TACC2: variants seen among roughly 807,000 people sequenced by gnomAD.
TACC2 encodes transforming acidic coiled-coil-containing protein 2.
TACC2 carries 137 observed loss-of-function variants against 227.3 expected under a neutral mutation model. That is an observed-to-expected ratio of 0.60 (90% CI 0.52 to 0.69). The LOEUF (loss-of-function observed/expected upper bound fraction) is 0.69, where lower values mean the gene tolerates loss of function less well. Ranked by LOEUF, TACC2 falls within the 30% of genes least tolerant of loss-of-function variation. The pLI, the probability that TACC2 is intolerant of heterozygous loss-of-function variation, is 0.00. For missense variants in TACC2, 3,470 were observed against 3,694.4 expected (o/e 0.94, Z 1.57); for synonymous variants, 1,523 against 1,487.5 (o/e 1.02, Z -0.55).
At chr10:122,091,608 C>A (rs540884166) in intron 5 of TACC2, among the ~76,000 whole-genome samples, 6 of 152,236 alleles carry the variant, frequency 3.9e-5, no homozygotes, top group Admixed American at 6.5e-5. Flanking sequence ...ACTCTCTCAT[C>A]CAGCCTGGCA....
intron 1 of TACC2, among the ~76,000 whole-genome samples, chr10:122,016,894 T>C (rs11200330): frequency 0.46 from 69,257 of 151,888 alleles, 15,937 homozygotes; most frequent in South Asian, 0.6. Context: ...CCTATGGGGG[T>C]GCCTAATCCA....
chr10:122,000,948 G>A (rs892826522), intron 1 of TACC2, among the ~76,000 whole-genome samples: 6 of 152,068 alleles, frequency 3.9e-5, no homozygotes, highest in Middle Eastern at 3.2e-3. Flanking sequence ...TCAGCCTCCC[G>A]AGTAGCTGGG....
chr10:122,075,905 T>C (rs900317949), intron 3 of TACC2, among the ~76,000 whole-genome samples: 17 of 152,194 alleles, frequency 1.1e-4, no homozygotes, highest in African/African-American at 3.9e-4. Flanking sequence ...ATTCAAGCAA[T>C]CCTCCTGCTT....
rs1565268191 is a variant in TACC2, at chr10:122,087,222, T to G, written c.4722T>G (p.Ala1574=). 2 of 1,613,268 alleles carry G rather than the reference T, an allele frequency of 1.2e-6. No individual in the cohort carries two copies. Among genetic ancestry groups the G allele is most frequent in the Non-Finnish European group, 1.7e-6 (2 of 1,179,818 alleles). ...CTCAGGAGCTCCCTGTGGAGAGAGC[T>G]GCTGCCTTCCAGGTGGCTCCCCATA... is the stretch of plus-strand genomic sequence containing the variant. The part of the protein sequence containing the change: ...AATQELPVER[A]AAFQVAPHSH... Residue 1574 remains alanine, a synonymous_variant, in exon 4 of 23, where the codon GCT becomes GCG. Transcript: ENST00000369005.
intron 2 of TACC2, among the ~76,000 whole-genome samples, chr10:122,049,281 T>C (rs1220505845): frequency 6.6e-6 from 1 of 152,110 alleles, no homozygotes; most frequent in Non-Finnish European, 1.5e-5. Flanking sequence ...TCTCGGCTTT[T>C]CTCTGCCTGC....
Position 122,153,989 on chromosome 10 carries a change from G to A in TACC2, c.5834+10283G>A, listed in dbSNP as rs564755982. Among the ~76,000 whole-genome samples the A allele has an allele frequency of 5.1e-4, 77 of 152,338 alleles. 1 individual carries two copies. Among genetic ancestry groups the A allele is most frequent in the African/African-American group, 1.7e-3 (70 of 41,578 alleles). Reference sequence around the variant, plus strand: ...ATCTGCCACTAGGGAGATTGTTGAGGTCAGGGAGACTGGGGACCGGCTCTG... The same window carrying A: ...ATCTGCCACTAGGGAGATTGTTGAGATCAGGGAGACTGGGGACCGGCTCTG... On this transcript the variant is annotated intron_variant, in intron 7 of 22. Transcript: ENST00000369005.
intron 19 of TACC2, among the ~76,000 whole-genome samples, chr10:122,246,027 C>T (rs956358657): frequency 2.0e-5 from 3 of 152,092 alleles, no homozygotes; most frequent in Admixed American, 1.3e-4. Context: ...TGGTGGTGAG[C>T]GCTCTAGGAG....
chr10:122,213,797 G>A (rs1195556423), intron 9 of TACC2, among the ~76,000 whole-genome samples: 5 of 152,146 alleles, frequency 3.3e-5, no homozygotes, highest in Admixed American at 6.5e-5. Flanking sequence ...AGGCAGCGAC[G>A]GCCACAGCTT....
Position 122,087,501 on chromosome 10 carries a change from C to T in TACC2, c.5001C>T (p.Gly1667=), listed in dbSNP as rs376774303. 3.1e-6 allele frequency: 5 copies of T among 1,613,992 alleles called. No individual in the cohort carries two copies. Among genetic ancestry groups the T allele is most frequent in the Non-Finnish European group, 4.2e-6 (5 of 1,180,044 alleles). The change falls in exon 4 of 23, where the codon GGC becomes GGT. Residue 1667 remains glycine (G), a synonymous_variant. Coordinates refer to ENST00000369005, the MANE Select transcript of TACC2 (RefSeq NM_206862.4). ...GGERRPGVTA[G]ILEMRNALGN... is the part of the protein sequence containing the mutation. ...AAAGGAGACCCGGAGTCACTGCTGG[C>T]ATCTTGGAAATGCGAAATGCCCTGG...
intron 3 of TACC2, among the ~76,000 whole-genome samples, chr10:122,070,172 G>A (rs112407432): frequency 2.6e-5 from 4 of 152,276 alleles, no homozygotes; most frequent in African/African-American, 9.6e-5. Context: ...AGGTAACACC[G>A]GTAACATCTT....
At chr10:122,125,731 T>C (rs893067555) in intron 5 of TACC2, among the ~76,000 whole-genome samples, 2 of 151,464 alleles carry the variant, frequency 1.3e-5, no homozygotes, top group Non-Finnish European at 2.9e-5. Context: ...TTGTAATCAG[T>C]CAGCATTTGG....
intron 2 of TACC2, among the ~76,000 whole-genome samples, chr10:122,041,605 C>T (rs1233006516): frequency 1.3e-5 from 2 of 152,170 alleles, no homozygotes; most frequent in African/African-American, 4.8e-5. Context: ...CACCGCCATG[C>T]CTGGCTACTT....
chr10:122,086,963 C>A lies in TACC2; in HGVS notation c.4463C>A (p.Ala1488Asp), dbSNP rs138712565. The change falls in exon 4 of 23, where the codon GCT (alanine) becomes GAT (aspartate). Residue 1488 changes from alanine to aspartate, a missense_variant. Coordinates refer to ENST00000369005, the MANE Select transcript of TACC2 (RefSeq NM_206862.4). The part of the protein sequence containing the change: ...LAGEAEISHL[A>D]LQDPASDKLL... ...GGAGAGGCTGAGATTTCCCATCTGGCTCTGCAAGATCCAGCTTCAGACAAG... is the reference window on the plus strand; with the variant it reads ...GGAGAGGCTGAGATTTCCCATCTGGATCTGCAAGATCCAGCTTCAGACAAG... 12 of 1,613,984 alleles carry A rather than the reference C, an allele frequency of 7.4e-6. No homozygotes were observed. The highest frequency in any genetic ancestry group is 9.3e-6 in the Non-Finnish European group (11 of 1,180,046).
intron 9 of TACC2, among the ~76,000 whole-genome samples, chr10:122,214,518 C>T (rs1205004961): frequency 1.1e-4 from 17 of 152,006 alleles, no homozygotes. Context: ...GGGAGTGGGA[C>T]CAACCCATGG....
intron 5 of TACC2, among the ~76,000 whole-genome samples, chr10:122,112,505 C>A (rs1369442095): frequency 2.0e-5 from 3 of 152,232 alleles, no homozygotes; most frequent in Non-Finnish European, 4.4e-5. Flanking sequence ...GCCATTAATA[C>A]CACACAGGTG....
At position 122,215,424 on chromosome 10, in the gene TACC2, G is replaced by A. The variant is rs1052019119; in HGVS notation, c.7317G>A (p.Arg2439=). The A allele has an allele frequency of 6.2e-6, 10 of 1,613,988 alleles. No individual in the cohort carries two copies. Among genetic ancestry groups the A allele is most frequent in the Non-Finnish European group, 8.5e-6 (10 of 1,179,950 alleles). ...DTFRVKKSPK[R]SPLSDPPSQD... is the part of the protein sequence containing the mutation. ...TTAGGGTGAAAAAGTCGCCAAAACG[G>A]TCTCCTCTCTCTGATCCACCTTCCC... The change falls in exon 10 of 23, where the codon CGG becomes CGA. Residue 2439 remains arginine, a synonymous_variant. Transcript: ENST00000369005.
At chr10:122,183,198 C>CT (rs2094035075) in intron 7 of TACC2, among the ~76,000 whole-genome samples, 1 of 147,312 alleles carries the variant, frequency 6.8e-6, no homozygotes, top group African/African-American at 2.5e-5. Flanking sequence ...GAGTGAGACT[C>CT]TGTCTCAAAA....
Position 122,125,901 on chromosome 10 carries a change from C to T in TACC2, c.5574-6708C>T, listed in dbSNP as rs531786833. Among the ~76,000 whole-genome samples the T allele has an allele frequency of 1.8e-4, 27 of 151,972 alleles. No individual in the cohort carries two copies. The South Asian group carries it at 2.1e-3, about 12-fold the overall frequency. On this transcript the variant is annotated intron_variant, in intron 5 of 22. Transcript: ENST00000369005. Reference sequence around the variant, plus strand: ...AAGCGATTCTCCTGCCTCAGCCTCCCGAGTAGCTGGGACTACAGGTGCGCG... The same window carrying T: ...AAGCGATTCTCCTGCCTCAGCCTCCTGAGTAGCTGGGACTACAGGTGCGCG...
chr10:122,162,590 G>T (rs1019308244), intron 7 of TACC2, among the ~76,000 whole-genome samples: 3 of 152,190 alleles, frequency 2.0e-5, no homozygotes, highest in Non-Finnish European at 4.4e-5. Flanking sequence ...CAAACCTCCT[G>T]TACCTATACA....
Sources: gnomAD v4.1 joint callset for allele counts (sites outside exome capture counted in the v4.1 genomes callset) on GRCh38, gnomAD v4.1.1 for gene constraint, MANE v1.5 for transcripts, NCBI Gene and HGNC (gene_info 2026-07-23, HGNC 2026-07-21) for gene names.